Variants in GSN observed in about 807,000 individuals in gnomAD.
The protein encoded by GSN is actin-depolymerizing factor.
In GSN, 56 loss-of-function variants were observed where a neutral mutation model predicts 85.7. The ratio of observed to expected loss-of-function variants is 0.65; its 90% CI spans 0.53 to 0.82. GSN has a LOEUF of 0.82. GSN is among the 40% of genes least tolerant of loss of function. The probability of loss-of-function intolerance (pLI) is 0.00; values close to 1 mark genes in which losing one functional copy is unlikely to be tolerated. For synonymous variants in GSN, 373 were observed against 399.1 expected (o/e 0.93, Z 0.78); for missense variants, 857 against 979.8 (o/e 0.87, Z 1.67).
At position 121,318,481 on chromosome 9, in the gene GSN, C is replaced by T; in HGVS notation, c.962C>T (p.Pro321Leu). 6.2e-7 allele frequency: 1 copy of T among 1,613,188 alleles called. No individual in the cohort carries two copies. Among genetic ancestry groups the T allele is most frequent in the Non-Finnish European group, 8.5e-7 (1 of 1,179,164 alleles). ...GACTTCATCACCAAGATGGACTACC[C>T]CAAGCAGACTCAGGTGAGTCTTGGA... The part of the protein sequence containing the change: ...ASDFITKMDY[P>L]KQTQVSVLPE... Residue 321 changes from proline to leucine, a missense_variant, in exon 9 of 18, where the codon CCC (proline) becomes CTC (leucine). Physicochemically the swap from Pro to Leu is moderately conservative, Grantham distance 98 (BLOSUM62 -3). Coordinates refer to ENST00000432226, the MANE Select transcript of GSN (RefSeq NM_198252.3). This position sits in a 1 kb window ranked among gnomAD's most constrained non-coding sequence, Gnocchi z 4.3.
In GSN at chr9:121,305,652, G is replaced by C. The variant is rs961584532; in HGVS notation, c.351+2587G>C. ...TCTACTTGGATAGCCAGGTTCCCCG[G>C]CCCCCCGATGATTTTCCAGGATGTT... On this transcript the variant is annotated intron_variant, in intron 4 of 17. Transcript: ENST00000432226. 2.6e-5 allele frequency among the ~76,000 whole-genome samples: 4 copies of C among 152,096 alleles called. No homozygotes were observed. In the South Asian group the frequency reaches 6.2e-4, roughly 24 times the overall value.
chr9:121,299,713 C>T lies in GSN; in HGVS notation c.-9-2250C>T. The T allele has an allele frequency of 1.0e-6, 1 of 980,622 alleles. No homozygotes were observed. The highest frequency in any genetic ancestry group is 1.3e-6 in the Non-Finnish European group (1 of 780,932). 60.7% of individuals were successfully genotyped at this position (980,622 alleles called of 1,614,324 possible). A position where few individuals can be genotyped will look rare whatever the true frequency, so the allele number is the denominator to read the frequency against. On this transcript the variant is annotated intron_variant, in intron 2 of 17. Coordinates refer to ENST00000432226, the MANE Select transcript of GSN (RefSeq NM_198252.3). The surrounding 1 kb of genome is among the most constrained non-coding windows in gnomAD (Gnocchi z 4.2). Reference sequence around the variant, plus strand: ...CTGTCGGGTCGATCCGGGTGGGAACCCAGATGTCTCCAAGATCCGAGACAG... The same window carrying T: ...CTGTCGGGTCGATCCGGGTGGGAACTCAGATGTCTCCAAGATCCGAGACAG...
intron 1 of GSN, among the ~76,000 whole-genome samples, chr9:121,272,545 G>A (rs2056128615): frequency 6.6e-6 from 1 of 152,192 alleles, no homozygotes; most frequent in African/African-American, 2.4e-5. Flanking sequence ...TGGTGCAACT[G>A]GTGATTCAGC....
At chr9:121,331,486 C>T (rs1364231895) in intron 17 of GSN, 38 bp downstream of exon 17, 1 of 1,289,858 alleles carries the variant, frequency 7.8e-7, no homozygotes, top group Non-Finnish European at 1.1e-6. Context: ...GGGAGGGGTC[C>T]GTTGCTTGTG....
intron 2 of GSN, among the ~76,000 whole-genome samples, chr9:121,301,625 C>CA (rs753963979): frequency 0.055 from 2,981 of 54,398 alleles, 52 homozygotes; most frequent in Admixed American, 0.11. Context: ...GACTCTGTCT[C>CA]AAAAAAAAAA....
rs543264719 is a variant in GSN, at chr9:121,282,873, A to G, written c.-10+1311A>G. The G allele has an allele frequency of 2.3e-4, 57 of 244,140 alleles. No individual in the cohort carries two copies. The Admixed American group carries it at 2.3e-3, about 10-fold the overall frequency. The allele number at this position is 244,140 out of a possible 1,614,324, so 15.1% of individuals were successfully genotyped here. On this transcript the variant is annotated intron_variant, in intron 2 of 17. Coordinates refer to ENST00000432226, the MANE Select transcript of GSN (RefSeq NM_198252.3). ...GGGCCCTGTCTTCCGCAGACCCTGC[A>G]GGGCCAGGCTGGCATAGACCCAGCT... is the stretch of plus-strand genomic sequence containing the variant.
chr9:121,317,472 C>A (rs920949658), intron 8 of GSN: 7 of 493,812 alleles, frequency 1.4e-5, no homozygotes, highest in Non-Finnish European at 2.6e-5. Flanking sequence ...AACGTCAGTT[C>A]TCTGAGAGGC....
chr9:121,312,723 G>A, intron 6 of GSN: 1 of 339,948 alleles, frequency 2.9e-6, no homozygotes, highest in Non-Finnish European at 5.3e-6. Flanking sequence ...GACCTCCTGG[G>A]CTCAAGTGAT....
At chr9:121,203,228 G>A (rs761506519), upstream of GSN, 10 of 152,380 alleles carry the variant, frequency 6.6e-5, no homozygotes, top group Admixed American at 3.9e-4. Context: ...GAGCCCAGGA[G>A]TTCTGGGCTG....
At chr9:121,294,069 C>A (rs2058974221) in intron 2 of GSN, among the ~76,000 whole-genome samples, 1 of 152,206 alleles carries the variant, frequency 6.6e-6, no homozygotes. Context: ...CTCTGTTTTT[C>A]TCCCTCTTGG....
rs1161887525 is a variant in GSN, at chr9:121,313,952, G to T, written c.682G>T (p.Ala228Ser). The change falls in exon 7 of 18, where the codon GCT becomes TCT. Residue 228 changes from alanine (A) to serine (S), a missense_variant. By Grantham distance (99) the Ala-to-Ser change is moderately conservative (BLOSUM62 1). Coordinates refer to ENST00000432226, the MANE Select transcript of GSN (RefSeq NM_198252.3). ...CCTACAGGTGCTGGGCCCCAAGCCG[G>T]CTCTGCCTGCAGGTACCGAGGACAC... ...AMLQVLGPKP[A>S]LPAGTEDTAK... The T allele has an allele frequency of 1.9e-6, 3 of 1,614,058 alleles. No individual in the cohort carries two copies. Among genetic ancestry groups the T allele is most frequent in the Non-Finnish European group, 2.5e-6 (3 of 1,179,894 alleles).
intron 5 of GSN, among the ~76,000 whole-genome samples, chr9:121,235,902 C>T (rs771706965): frequency 1.3e-5 from 2 of 152,210 alleles, no homozygotes; most frequent in Middle Eastern, 3.2e-3. Context: ...CTAGCAGTCT[C>T]GGCCACATAT....
chr9:121,215,753 C>T (rs553872834), intron 4 of GSN, among the ~76,000 whole-genome samples: 93 of 150,592 alleles, frequency 6.2e-4, no homozygotes, highest in Non-Finnish European at 1.1e-3. Context: ...TTATAATGTA[C>T]ATGTAAATCA....
At chr9:121,314,170 C>T (rs1037536455) in intron 7 of GSN, 147 bp downstream of exon 7, 4 of 714,770 alleles carry the variant, frequency 5.6e-6, no homozygotes, top group Admixed American at 2.0e-5. Context: ...CCAGTGGATG[C>T]TCGTGTACTT....
intron 12 of GSN, among the ~76,000 whole-genome samples, 179 bp from the exon 13 acceptor site, chr9:121,326,333 C>T (rs1021677429): frequency 1.3e-5 from 2 of 152,014 alleles, no homozygotes; most frequent in Non-Finnish European, 2.9e-5. Flanking sequence ...CAGACAATAG[C>T]ACTGTCTCCA....
At chr9:121,206,698 G>A (rs140702461), upstream of GSN, among the ~76,000 whole-genome samples, 860 of 151,524 alleles carry the variant, frequency 5.7e-3, 4 homozygotes, top group Non-Finnish European at 9.3e-3. Flanking sequence ...TGGTGGTTTC[G>A]ACTTAAGAGG....
At chr9:121,215,481 G>A (rs1270371766) in intron 4 of GSN, among the ~76,000 whole-genome samples, 3 of 151,994 alleles carry the variant, frequency 2.0e-5, no homozygotes, top group South Asian at 4.2e-4. Context: ...ATCACCTGAG[G>A]TCAGGAGTTC....
chr9:121,253,551 G>A (rs1038581470), intron 6 of GSN, among the ~76,000 whole-genome samples: 1 of 152,152 alleles, frequency 6.6e-6, no homozygotes, highest in African/African-American at 2.4e-5. Flanking sequence ...GGAGTCACGG[G>A]ACAGGTTCAT....
At chr9:121,268,516 C>T (rs1262005699) in intron 1 of GSN, among the ~76,000 whole-genome samples, 2 of 152,156 alleles carry the variant, frequency 1.3e-5, no homozygotes, top group Admixed American at 6.5e-5. Flanking sequence ...CGACCCCGCC[C>T]CCGGGATGGG....
Sources: allele counts gnomAD v4.1 joint callset (sites outside exome capture counted in the v4.1 genomes callset), GRCh38; gene constraint gnomAD v4.1.1; non-coding constraint Gnocchi (gnomAD v3.1); transcripts MANE v1.5; gene names NCBI Gene and HGNC (gene_info 2026-07-23, HGNC 2026-07-21).